DGKB: variants seen among roughly 807,000 people sequenced by gnomAD.
DGKB encodes 90 kDa diacylglycerol kinase.
A neutral mutation model predicts 114.3 loss-of-function variants in DGKB; 67 were observed. The observed-to-expected ratio is 0.59, with a 90% CI of 0.48 to 0.72. The LOEUF (loss-of-function observed/expected upper bound fraction) is 0.72, where lower values mean the gene tolerates loss of function less well. Ranked by LOEUF, DGKB falls within the 30% of genes least tolerant of loss-of-function variation. The probability of loss-of-function intolerance (pLI) is 0.00; values close to 1 mark genes in which losing one functional copy is unlikely to be tolerated. For missense variants in DGKB, 907 were observed against 975.2 expected (o/e 0.93, Z 0.93); for synonymous variants, 398 against 323.1 (o/e 1.23, Z -2.49).
chr7:14,647,643 A>C (rs1813334055), intron 13 of DGKB, among the ~76,000 whole-genome samples: 1 of 152,082 alleles, frequency 6.6e-6, no homozygotes, highest in Non-Finnish European at 1.5e-5. Context: ...GGGAGGAGCC[A>C]AGATGGCCGA....
At chr7:14,800,790 T>C (rs931123171) in intron 2 of DGKB, among the ~76,000 whole-genome samples, 1 of 152,130 alleles carries the variant, frequency 6.6e-6, no homozygotes, top group African/African-American at 2.4e-5. Flanking sequence ...TGAGTTACAA[T>C]GTTGGCTTAG....
intron 21 of DGKB, among the ~76,000 whole-genome samples, chr7:14,383,840 T>C (rs1464537188): frequency 6.6e-6 from 1 of 152,216 alleles, no homozygotes; most frequent in Admixed American, 6.6e-5. Context: ...AATTCAAATC[T>C]GGGTTCTAAT....
chr7:14,255,909 A>G (rs1359038718), intron 23 of DGKB, among the ~76,000 whole-genome samples: 1 of 151,856 alleles, frequency 6.6e-6, no homozygotes, highest in Admixed American at 6.6e-5. Flanking sequence ...CTGAGGTCCT[A>G]TTAAGTGTGA....
intron 1 of DGKB, among the ~76,000 whole-genome samples, chr7:14,935,637 A>C (rs550893801): frequency 2.0e-4 from 31 of 152,286 alleles, no homozygotes; most frequent in African/African-American, 7.2e-4. Context: ...ATATACATGC[A>C]GAATACTACT....
intron 1 of DGKB, among the ~76,000 whole-genome samples, chr7:14,896,758 G>A (rs1782164676): frequency 6.6e-6 from 1 of 151,662 alleles, no homozygotes; most frequent in Non-Finnish European, 1.5e-5. Flanking sequence ...CAAATAGTAA[G>A]GATTTTACAT....
intron 21 of DGKB, among the ~76,000 whole-genome samples, chr7:14,370,465 G>A (rs970360234): frequency 1.3e-5 from 2 of 152,146 alleles, no homozygotes; most frequent in East Asian, 3.9e-4. Flanking sequence ...TGTGAAGAAA[G>A]TCAGCGGTAG....
At position 14,149,115 on chromosome 7, in the gene DGKB, G is replaced by T. The variant is rs753058349; in HGVS notation, c.*16C>A. The T allele has an allele frequency of 1.9e-6, 3 of 1,603,904 alleles. No homozygotes were observed. Among genetic ancestry groups the T allele is most frequent in the South Asian group, 1.1e-5 (1 of 90,834 alleles). ...AATTATGCTAATTCAATTTCTAAGA[G>T]TGAAACAACACAGGATTATTCCTTG... On this transcript the variant is annotated 3_prime_UTR_variant, in exon 26 of 26. Transcript: ENST00000402815.
chr7:14,331,526 G>A (rs1809713590), intron 23 of DGKB, among the ~76,000 whole-genome samples: 1 of 151,954 alleles, frequency 6.6e-6, no homozygotes, highest in Non-Finnish European at 1.5e-5. Flanking sequence ...ATTCATAATA[G>A]TGGATGACAA....
At chr7:14,674,838 G>A (rs912002655) in intron 12 of DGKB, among the ~76,000 whole-genome samples, 1 of 152,092 alleles carries the variant, frequency 6.6e-6, no homozygotes, top group Non-Finnish European at 1.5e-5. Context: ...CTTCCAGAAA[G>A]CCTTCAGAGG....
chr7:14,468,862 G>A (rs1042931338), intron 21 of DGKB, among the ~76,000 whole-genome samples: 3 of 151,898 alleles, frequency 2.0e-5, no homozygotes, highest in Non-Finnish European at 4.4e-5. Flanking sequence ...GTATGTGTGT[G>A]TATATAAAAT....
chr7:14,210,366 A>G (rs1202076705), intron 23 of DGKB, among the ~76,000 whole-genome samples: 1 of 152,140 alleles, frequency 6.6e-6, no homozygotes, highest in Non-Finnish European at 1.5e-5. Flanking sequence ...TTCAAGACTA[A>G]TTAGAAGATA....
At chr7:14,312,847 G>A (rs922188568) in intron 23 of DGKB, among the ~76,000 whole-genome samples, 23 of 152,244 alleles carry the variant, frequency 1.5e-4, no homozygotes, top group Admixed American at 1.4e-3. Flanking sequence ...TGAAAATTAG[G>A]AATTTAGAAA....
At chr7:14,313,512 G>A (rs7787317) in intron 23 of DGKB, among the ~76,000 whole-genome samples, 97,763 of 151,856 alleles carry the variant, frequency 0.64, 32,659 homozygotes, top group South Asian at 0.74. Context: ...AAGGGGTGAC[G>A]GACGGCACCT....
At chr7:14,960,994 T>A (rs147483170) in intron 1 of DGKB, among the ~76,000 whole-genome samples, 16 of 152,172 alleles carry the variant, frequency 1.1e-4, no homozygotes, top group African/African-American at 2.9e-4. Context: ...CAGGTTATTG[T>A]GAGGGCTATA....
chr7:14,521,859 T>C (rs1323604859), intron 20 of DGKB, among the ~76,000 whole-genome samples: 1 of 152,176 alleles, frequency 6.6e-6, no homozygotes, highest in African/African-American at 2.4e-5. Context: ...GAACTTTTTA[T>C]GCAACATAAC....
intron 23 of DGKB, among the ~76,000 whole-genome samples, chr7:14,207,932 G>A (rs1369652600): frequency 1.3e-5 from 2 of 151,958 alleles, no homozygotes; most frequent in African/African-American, 2.4e-5. Flanking sequence ...TTTCTCATTT[G>A]AACCTTGAAC....
chr7:14,625,584 A>C (rs1378702207), intron 14 of DGKB, among the ~76,000 whole-genome samples: 1 of 152,194 alleles, frequency 6.6e-6, no homozygotes, highest in Non-Finnish European at 1.5e-5. Context: ...GCTCTCTGAT[A>C]ATAGGGGACA....
intron 12 of DGKB, among the ~76,000 whole-genome samples, chr7:14,681,386 A>T (rs1184590441): frequency 6.6e-6 from 1 of 151,878 alleles, no homozygotes; most frequent in Non-Finnish European, 1.5e-5. Context: ...TTGAAAAGTA[A>T]GTCAGTTGTT....
At chr7:14,557,900 G>A (rs1175548640) in intron 20 of DGKB, among the ~76,000 whole-genome samples, 4 of 151,414 alleles carry the variant, frequency 2.6e-5, no homozygotes, top group Non-Finnish European at 5.9e-5. Context: ...TTATTTTCCT[G>A]CAACATTGGT....
Sources: allele counts gnomAD v4.1 joint callset (sites outside exome capture counted in the v4.1 genomes callset), GRCh38; gene constraint gnomAD v4.1.1; transcripts MANE v1.5; gene names NCBI Gene and HGNC (gene_info 2026-07-23, HGNC 2026-07-21).